Variants in CMYA5 observed in about 807,000 individuals in gnomAD.
The protein encoded by CMYA5 is cardiomyopathy-associated protein 5.
A neutral mutation model predicts 318.9 loss-of-function variants in CMYA5; 246 were observed. The ratio of observed to expected loss-of-function variants is 0.77; its 90% confidence interval spans 0.70 to 0.86. The LOEUF is 0.86. CMYA5 is among the 40% of genes least tolerant of loss of function. CMYA5 has a pLI of 0.00. For synonymous variants in CMYA5, 1,641 were observed against 1,729.5 expected (o/e 0.95, Z 1.27); for missense variants, 4,589 against 4,678.2 (o/e 0.98, Z 0.56).
At position 79,738,782 on chromosome 5, in the gene CMYA5, G is replaced by A. The variant is rs749520056; in HGVS notation, c.10017G>A (p.Ala3339=). 9.9e-6 allele frequency: 16 copies of A among 1,613,716 alleles called. No homozygotes were observed. Among genetic ancestry groups the A allele is most frequent in the East Asian group, 2.2e-5 (1 of 44,890 alleles). ...VRVATQKISY[A]VPFEDTHHVL... is the part of the protein sequence containing the mutation. ...TGGCTACCCAGAAAATAAGTTATGC[G>A]GTTCCATTTGAAGACACCCATCATG... Residue 3339 remains alanine, a synonymous_variant, in exon 2 of 13, where the codon GCG becomes GCA. Transcript: ENST00000446378.
Position 79,770,679 on chromosome 5 carries a change from T to G in CMYA5, c.11555+7470T>G, listed in dbSNP as rs149765186. 3.2e-3 allele frequency among the ~76,000 whole-genome samples: 483 copies of G among 152,236 alleles called. 1 individual carries two copies. Among genetic ancestry groups the G allele is most frequent in the African/African-American group, 0.011 (460 of 41,542 alleles). On this transcript the variant is annotated intron_variant, in intron 9 of 12. Coordinates refer to ENST00000446378, the MANE Select transcript of CMYA5 (RefSeq NM_153610.5). ...AGAAATCACCCACCTTCTACATTGA[T>G]CTCGCTGGGAGCTGGAGACCAGAGC...
chr5:79,766,841 C>T lies in CMYA5; in HGVS notation c.11555+3632C>T, dbSNP rs1828763766. The stretch of plus-strand genomic sequence containing the variant: ...TCATAAAATGAGTTAGGGAGGAGTC[C>T]TTCTTTTTCTGTTGTTTGGAATAGT... On this transcript the variant is annotated intron_variant, in intron 9 of 12. Coordinates refer to ENST00000446378, the MANE Select transcript of CMYA5 (RefSeq NM_153610.5). 2.0e-5 allele frequency among the ~76,000 whole-genome samples: 3 copies of T among 152,138 alleles called. No individual in the cohort carries two copies. In the South Asian group the frequency reaches 6.2e-4, roughly 32 times the overall value.
intron 2 of CMYA5, among the ~76,000 whole-genome samples, chr5:79,739,718 C>T (rs552262923): frequency 9.9e-5 from 15 of 152,206 alleles, no homozygotes; most frequent in East Asian, 1.9e-4. Context: ...TGTGGTGGCT[C>T]ACACCTATAA....
chr5:79,736,495 G>A lies in CMYA5; in HGVS notation c.7730G>A (p.Gly2577Asp). 2 of 1,612,192 alleles carry A rather than the reference G, an allele frequency of 1.2e-6. No individual in the cohort carries two copies. Among genetic ancestry groups the A allele is most frequent in the Non-Finnish European group, 8.5e-7 (1 of 1,179,058 alleles). ...AGTAGAGAATCAGATATCTCTTTAG[G>A]TCATTCTTTGGGTGAAACTCAATCA... ...SMSRESDISL[G>D]HSLGETQSFS... is the part of the protein sequence containing the mutation. The change falls in exon 2 of 13, where the codon GGT becomes GAT. Residue 2577 changes from glycine (G) to aspartate (D), a missense_variant. Gly to Asp is a moderately conservative substitution (Grantham distance 94). Coordinates refer to ENST00000446378, the MANE Select transcript of CMYA5 (RefSeq NM_153610.5).
intron 9 of CMYA5, among the ~76,000 whole-genome samples, chr5:79,787,634 A>G (rs906239647): frequency 6.6e-6 from 1 of 152,158 alleles, no homozygotes. Flanking sequence ...ATAACAACCA[A>G]TATGATTCAA....
Position 79,734,353 on chromosome 5 carries a change from T to A in CMYA5, c.5588T>A (p.Leu1863Ter). Residue 1863 changes from leucine (L) to a stop codon, truncating the protein, a stop_gained, in exon 2 of 13, where the codon TTG (leucine) becomes TAG (stop). Transcript: ENST00000446378. LOFTEE classifies it high-confidence loss of function. ...TCACTTATGAGAGAGAATTTGCCTT[T>A]GGAACAATCAAAATCATTTATGACA... Reference protein sequence around the residue: ...QFSLMRENLPLEQSKSFMTTK... With the variant: ...QFSLMRENLP 1 of 1,613,908 alleles carries A rather than the reference T, an allele frequency of 6.2e-7. No individual in the cohort carries two copies. The highest frequency in any genetic ancestry group is 8.5e-7 in the Non-Finnish European group (1 of 1,179,824).
chr5:79,767,956 G>A (rs1008401453), intron 9 of CMYA5, among the ~76,000 whole-genome samples: 2 of 152,162 alleles, frequency 1.3e-5, no homozygotes, highest in African/African-American at 4.8e-5. Flanking sequence ...AGGTCTCTAA[G>A]AACTTGCTTT....
At chr5:79,744,906 C>T (rs1485926378) in intron 3 of CMYA5, among the ~76,000 whole-genome samples, 2 of 152,182 alleles carry the variant, frequency 1.3e-5, no homozygotes, top group Non-Finnish European at 2.9e-5. Context: ...GCTCACTCAA[C>T]GTGATGCCAT....
intron 10 of CMYA5, 71 bp from the exon 11 acceptor site, chr5:79,790,899 G>A: frequency 1.0e-6 from 1 of 993,216 alleles, no homozygotes; most frequent in Non-Finnish European, 1.6e-6. Flanking sequence ...GGTCTGAAAT[G>A]TGGGGCTTAG....
At position 79,690,061 on chromosome 5, in the gene CMYA5, C is replaced by T; in HGVS notation, c.149+5C>T. 1 of 1,433,142 alleles carries T rather than the reference C, an allele frequency of 7.0e-7. No homozygotes were observed. The highest frequency in any genetic ancestry group is 9.2e-7 in the Non-Finnish European group (1 of 1,090,182). 88.8% of individuals were successfully genotyped at this position (1,433,142 alleles called of 1,614,324 possible). ...GGAGGAGGAGCCGGACTCCAGGTAGCGCGAGCCTCTCTCCTCGGCCCAGGG... is the reference window on the plus strand; with the variant it reads ...GGAGGAGGAGCCGGACTCCAGGTAGTGCGAGCCTCTCTCCTCGGCCCAGGG... On this transcript the variant is annotated splice_donor_5th_base_variant and intron_variant, in intron 1 of 12. Transcript: ENST00000446378.
chr5:79,777,190 T>G (rs1828953979), intron 9 of CMYA5, among the ~76,000 whole-genome samples: 1 of 152,156 alleles, frequency 6.6e-6, no homozygotes, highest in African/African-American at 2.4e-5. Context: ...TAAATTTGGA[T>G]AGAGAATATG....
intron 12 of CMYA5, among the ~76,000 whole-genome samples, chr5:79,795,567 A>C (rs1829261571): frequency 6.6e-6 from 1 of 152,144 alleles, no homozygotes; most frequent in Admixed American, 6.5e-5. Context: ...ACCCACTCGC[A>C]ACTGGGAAAT....
intron 1 of CMYA5, among the ~76,000 whole-genome samples, chr5:79,698,046 C>T (rs888913680): frequency 2.0e-4 from 31 of 152,272 alleles, no homozygotes; most frequent in African/African-American, 7.5e-4. Context: ...GATCATGTAA[C>T]AAACTTGCAA....
At position 79,738,593 on chromosome 5, in the gene CMYA5, A is replaced by G. The variant is rs1229697252; in HGVS notation, c.9828A>G (p.Ile3276Met). The part of the protein sequence containing the change: ...RVGKDDSYQP[I>M]AAEGEIWGKF... The stretch of plus-strand genomic sequence containing the variant: ...GTAAGGATGATTCATACCAACCGAT[A>G]GCTGCAGAAGGGGAAATTTGGGGAA... Residue 3276 changes from isoleucine (I) to methionine (M), a missense_variant, in exon 2 of 13, where the codon ATA becomes ATG. Physicochemically the swap from Ile to Met is conservative, Grantham distance 10. Around this residue, in one of 3 missense-constraint regions of CMYA5, gnomAD observed 2,431 missense variants for 2,495.1 expected, o/e 0.97. Transcript: ENST00000446378. 1 of 1,613,784 alleles carries G rather than the reference A, an allele frequency of 6.2e-7. No homozygotes were observed. The highest frequency in any genetic ancestry group is 1.3e-5 in the African/African-American group (1 of 75,056).
Position 79,738,950 on chromosome 5 carries a change from A to T in CMYA5, c.10185A>T (p.Ser3395=). The T allele has an allele frequency of 6.2e-7, 1 of 1,613,892 alleles. No homozygotes were observed. Among genetic ancestry groups the T allele is most frequent in the Non-Finnish European group, 8.5e-7 (1 of 1,179,842 alleles). The change falls in exon 2 of 13, where the codon TCA becomes TCT. Residue 3395 remains serine, a synonymous_variant. Transcript: ENST00000446378. Reference sequence around the variant, plus strand: ...GTGCAACTCATGTTCAAGAAACATCACTAGAAGAACCTAAAATCCTGGTCC... The same window carrying T: ...GTGCAACTCATGTTCAAGAAACATCTCTAGAAGAACCTAAAATCCTGGTCC... ...ASGATHVQET[S]LEEPKILVPP...
chr5:79,695,570 A>G (rs1827051184), intron 1 of CMYA5, among the ~76,000 whole-genome samples: 1 of 152,190 alleles, frequency 6.6e-6, no homozygotes, highest in African/African-American at 2.4e-5. Context: ...GTCTGATAAT[A>G]CCTAGAAATC....
At chr5:79,708,586 C>T (rs1368619580) in intron 1 of CMYA5, among the ~76,000 whole-genome samples, 1 of 151,636 alleles carries the variant, frequency 6.6e-6, no homozygotes, top group Non-Finnish European at 1.5e-5. Context: ...GATTGTGCCA[C>T]TGCACTCCAG....
Position 79,738,617 on chromosome 5 carries a change from A to C in CMYA5, c.9852A>C (p.Gly3284=), listed in dbSNP as rs1444517994. The C allele has an allele frequency of 6.2e-7, 1 of 1,613,896 alleles. No individual in the cohort carries two copies. Among genetic ancestry groups the C allele is most frequent in the East Asian group, 2.2e-5 (1 of 44,878 alleles). Residue 3284 remains glycine (G), a synonymous_variant, in exon 2 of 13, where the codon GGA becomes GGC. Coordinates refer to ENST00000446378, the MANE Select transcript of CMYA5 (RefSeq NM_153610.5). ...TAGCTGCAGAAGGGGAAATTTGGGG[A>C]AAGTTTGGAACTATTTGCAGGGAGA... The part of the protein sequence containing the change: ...QPIAAEGEIW[G]KFGTICREKS...
At chr5:79,697,097 A>T (rs1827082516) in intron 1 of CMYA5, among the ~76,000 whole-genome samples, 1 of 152,252 alleles carries the variant, frequency 6.6e-6, no homozygotes, top group African/African-American at 2.4e-5. Flanking sequence ...CGCAATATAA[A>T]CATGTAGTGA....
Sources: allele counts gnomAD v4.1 joint callset (sites outside exome capture counted in the v4.1 genomes callset), GRCh38; gene constraint gnomAD v4.1.1; regional missense constraint gnomAD v4.1.1; transcripts MANE v1.5; gene names NCBI Gene and HGNC (gene_info 2026-07-23, HGNC 2026-07-21).